The following EXOC6B variants were observed in gnomAD, a reference collection of about 807,000 sequenced individuals.
EXOC6B encodes the protein SEC15 homolog B.
Under a neutral mutation model 113.5 loss-of-function variants are expected in EXOC6B, and 54 were observed. That is an observed-to-expected ratio of 0.48 (90% CI 0.38 to 0.60). The LOEUF (loss-of-function observed/expected upper bound fraction) is 0.60. Ranked by LOEUF, EXOC6B falls within the 20% of genes least tolerant of loss-of-function variation. EXOC6B has a pLI of 0.00. For synonymous variants in EXOC6B, 357 were observed against 339.0 expected, an observed-to-expected ratio of 1.05 and a Z score of -0.58; for missense variants, 797 against 977.5, an observed-to-expected ratio of 0.82 and a Z score of 2.46.
intron 20 of EXOC6B, among the ~76,000 whole-genome samples, chr2:72,188,697 G>A (rs1419141373): frequency 6.6e-6 from 1 of 152,184 alleles, no homozygotes; most frequent in Admixed American, 6.5e-5. Context: ...AACCTTGTTA[G>A]ATTGCTATAA....
At chr2:72,410,836 A>C (rs681574) in intron 18 of EXOC6B, among the ~76,000 whole-genome samples, 1 of 152,086 alleles carries the variant, frequency 6.6e-6, no homozygotes, top group Non-Finnish European at 1.5e-5. Flanking sequence ...ACTAAGAAAA[A>C]AAAATAACCA....
chr2:72,647,504 G>T (rs920015933), intron 6 of EXOC6B, among the ~76,000 whole-genome samples: 4 of 152,182 alleles, frequency 2.6e-5, no homozygotes, highest in Non-Finnish European at 4.4e-5. Flanking sequence ...AAAGCTGGAG[G>T]CATCATGCTA....
At chr2:72,593,338 CAGA>C (rs1706096618) in intron 6 of EXOC6B, among the ~76,000 whole-genome samples, 1 of 152,034 alleles carries the variant, frequency 6.6e-6, no homozygotes, top group Non-Finnish European at 1.5e-5. Flanking sequence ...CCAAGCTAAA[CAGA>C]AGGATGGGTA....
chr2:72,513,648 C>CAT (rs892617080), intron 10 of EXOC6B, among the ~76,000 whole-genome samples: 219 of 150,958 alleles, frequency 1.5e-3, no homozygotes, highest in African/African-American at 4.1e-3. Context: ...ATATATACAT[C>CAT]ATATATATAT....
chr2:72,244,346 G>A (rs1238774109), intron 20 of EXOC6B, among the ~76,000 whole-genome samples: 1 of 152,062 alleles, frequency 6.6e-6, no homozygotes, highest in Non-Finnish European at 1.5e-5. Context: ...TAAATAATAT[G>A]TTTAACTAAA....
chr2:72,756,737 TTTTTCACA>T (rs1322055789), intron 1 of EXOC6B, among the ~76,000 whole-genome samples: 1 of 152,140 alleles, frequency 6.6e-6, no homozygotes, highest in Non-Finnish European at 1.5e-5. Flanking sequence ...TGAAGCAACC[TTTTTCACA>T]TTGCCAGTAC....
At chr2:72,366,140 G>T (rs181346576) in intron 19 of EXOC6B, among the ~76,000 whole-genome samples, 1 of 151,954 alleles carries the variant, frequency 6.6e-6, no homozygotes. Context: ...GAAAATATAC[G>T]CATGATGGAA....
At position 72,379,728 on chromosome 2, in the gene EXOC6B, C is replaced by G. The variant is rs769704938; in HGVS notation, c.2122+1G>C. 6.2e-7 allele frequency: 1 copy of G among 1,609,014 alleles called. No individual in the cohort carries two copies. Among genetic ancestry groups the G allele is most frequent in the Admixed American group, 1.7e-5 (1 of 59,416 alleles). On this transcript the variant is annotated splice_donor_variant, in intron 19 of 21. Coordinates refer to ENST00000272427, the MANE Select transcript of EXOC6B (RefSeq NM_015189.3). LOFTEE classifies it high-confidence loss of function. ...AAGCACAGGGATGGTCACTGTCTTA[C>G]GTTCACATTCTCTGACGTCCAAGTT... is the stretch of plus-strand genomic sequence containing the variant.
intron 19 of EXOC6B, among the ~76,000 whole-genome samples, chr2:72,370,779 G>A (rs1025132174): frequency 1.7e-4 from 26 of 151,088 alleles, no homozygotes; most frequent in Admixed American, 9.9e-4. Context: ...ACCAAACACC[G>A]CATGTTCTCA....
At chr2:72,617,125 G>C (rs568959019) in intron 6 of EXOC6B, among the ~76,000 whole-genome samples, 3 of 152,276 alleles carry the variant, frequency 2.0e-5, no homozygotes, top group Non-Finnish European at 4.4e-5. Flanking sequence ...TCCATGTCTC[G>C]CATCCAGGTC....
rs151313925 is a variant in EXOC6B at position 72,206,609 on chromosome 2, T to A, written c.2197-22422A>T. 7.2e-5 allele frequency among the ~76,000 whole-genome samples: 11 copies of A among 152,332 alleles called. No homozygotes were observed. The East Asian group carries it at 2.1e-3, about 29-fold the overall frequency. On this transcript the variant is annotated intron_variant, in intron 20 of 21. Coordinates refer to ENST00000272427, the MANE Select transcript of EXOC6B (RefSeq NM_015189.3). ...TATACAGAGAAACCCAAGTGTTTTATGCTTATATCTCCCAGAATAGAATGT... is the reference window on the plus strand; with the variant it reads ...TATACAGAGAAACCCAAGTGTTTTAAGCTTATATCTCCCAGAATAGAATGT...
intron 20 of EXOC6B, among the ~76,000 whole-genome samples, chr2:72,299,410 G>C (rs1686357509): frequency 6.6e-6 from 1 of 151,794 alleles, no homozygotes; most frequent in African/African-American, 2.4e-5. Flanking sequence ...ATCTATTCTA[G>C]ATGAATTCAT....
intron 13 of EXOC6B, among the ~76,000 whole-genome samples, chr2:72,497,408 G>T (rs1241685643): frequency 6.6e-6 from 1 of 151,676 alleles, no homozygotes; most frequent in Non-Finnish European, 1.5e-5. Flanking sequence ...TTTTTAAATC[G>T]ATAGGTTCTC....
intron 1 of EXOC6B, among the ~76,000 whole-genome samples, chr2:72,800,230 C>T (rs962348538): frequency 1.3e-5 from 2 of 152,042 alleles, no homozygotes; most frequent in Non-Finnish European, 2.9e-5. Flanking sequence ...TTATTATTCC[C>T]AGGCATTCTT....
chr2:72,379,829 A>G lies in EXOC6B; in HGVS notation c.2022T>C (p.His674=). The G allele has an allele frequency of 3.7e-6, 6 of 1,613,060 alleles. No individual in the cohort carries two copies. The highest frequency in any genetic ancestry group is 5.1e-6 in the Non-Finnish European group (6 of 1,179,486). ...AQTACMSACK[H]LATSLMQLLL... ...AAAGTTGCATCAAGGATGTGGCTAA[A>G]TGCTTGCAAGCTGACATACACGCTG... The change falls in exon 19 of 22, where the codon CAT becomes CAC. Residue 674 remains histidine, a synonymous_variant. Transcript: ENST00000272427.
intron 11 of EXOC6B, 40 bp from the exon 12 acceptor site, chr2:72,500,012 T>G: frequency 7.8e-7 from 1 of 1,279,994 alleles, no homozygotes; most frequent in Non-Finnish European, 1.1e-6. Flanking sequence ...AACATGTTAT[T>G]AGTAAAAATG....
intron 6 of EXOC6B, among the ~76,000 whole-genome samples, chr2:72,593,309 C>T (rs1032562617): frequency 1.3e-5 from 2 of 152,056 alleles, no homozygotes; most frequent in Admixed American, 6.6e-5. Flanking sequence ...AGGGAGTCAT[C>T]AGAACCCCCA....
At chr2:72,345,504 G>T (rs1689274707) in intron 19 of EXOC6B, among the ~76,000 whole-genome samples, 2 of 152,076 alleles carry the variant, frequency 1.3e-5, no homozygotes, top group African/African-American at 4.8e-5. Flanking sequence ...GTACTAAAAA[G>T]AAATGGGCTA....
At position 72,342,575 on chromosome 2, in the gene EXOC6B, G is replaced by A. The variant is rs901385527; in HGVS notation, c.2123-7555C>T. Among the ~76,000 whole-genome samples the A allele has an allele frequency of 5.9e-5, 9 of 152,022 alleles. No homozygotes were observed. In the East Asian group the frequency reaches 7.7e-4, roughly 13 times the overall value. On this transcript the variant is annotated intron_variant, in intron 19 of 21. Coordinates refer to ENST00000272427, the MANE Select transcript of EXOC6B (RefSeq NM_015189.3). ...AGGGTGTGGAAAAAAAGAAACCCTC[G>A]TATACTGTTATTGGGAATGTAAATA...
Sources: allele counts gnomAD v4.1 joint callset (sites outside exome capture counted in the v4.1 genomes callset), GRCh38; gene constraint gnomAD v4.1.1; transcripts MANE v1.5; gene names NCBI Gene and HGNC (gene_info 2026-07-23, HGNC 2026-07-21).